Variants in NRXN1 observed in about 807,000 individuals in gnomAD.
NRXN1 encodes neurexin-1.
Under a neutral mutation model 150.9 loss-of-function variants are expected in NRXN1, and 39 were observed. The ratio of observed to expected loss-of-function variants is 0.26; its 90% CI spans 0.20 to 0.34. NRXN1 has a LOEUF of 0.34. NRXN1 is among the 10% of genes least tolerant of loss of function. The pLI is 1.00. For synonymous variants in NRXN1, 924 were observed against 757.0 expected (o/e 1.22, Z -3.62); for missense variants, 1,815 against 1,949.9 (o/e 0.93, Z 1.30).
intron 5 of NRXN1, among the ~76,000 whole-genome samples, chr2:50,687,305 T>C (rs1691380338): frequency 6.6e-6 from 1 of 152,206 alleles, no homozygotes; most frequent in Non-Finnish European, 1.5e-5. Flanking sequence ...GAAATCTTCA[T>C]AAAATATATT....
intron 2 of NRXN1, among the ~76,000 whole-genome samples, chr2:50,952,466 TTTTG>T (rs1691551313): frequency 1.3e-5 from 2 of 152,122 alleles, no homozygotes; most frequent in African/African-American, 4.8e-5. Flanking sequence ...TGAATAATGT[TTTTG>T]TTTGTCATGC....
chr2:50,885,031 G>C (rs1289351544), intron 5 of NRXN1, among the ~76,000 whole-genome samples: 2 of 151,572 alleles, frequency 1.3e-5, no homozygotes, highest in Non-Finnish European at 3.0e-5. Flanking sequence ...TTTCAAATAA[G>C]AGACTTAAGA....
intron 21 of NRXN1, among the ~76,000 whole-genome samples, chr2:49,958,448 T>C (rs1158608097): frequency 6.6e-6 from 1 of 152,130 alleles, no homozygotes; most frequent in East Asian, 1.9e-4. Context: ...AATTCTGACA[T>C]ATTTCATTGC....
At chr2:50,306,780 G>C (rs1004410594) in intron 17 of NRXN1, among the ~76,000 whole-genome samples, 2 of 152,148 alleles carry the variant, frequency 1.3e-5, no homozygotes, top group African/African-American at 4.8e-5. Flanking sequence ...CAAAATTCCA[G>C]AGTGTTGGCT....
intron 2 of NRXN1, among the ~76,000 whole-genome samples, chr2:51,019,209 A>C (rs1669210984): frequency 1.3e-5 from 2 of 152,190 alleles, no homozygotes; most frequent in South Asian, 4.1e-4. Context: ...TTGGACCCAA[A>C]TCCCAGCTCT....
At chr2:50,223,028 G>A (rs1292810624) in intron 18 of NRXN1, among the ~76,000 whole-genome samples, 2 of 151,688 alleles carry the variant, frequency 1.3e-5, no homozygotes, top group African/African-American at 2.4e-5. Flanking sequence ...GGGCTTTCCT[G>A]AAAAGTAAAT....
At chr2:50,854,955 G>T (rs1675055806) in intron 5 of NRXN1, among the ~76,000 whole-genome samples, 1 of 151,894 alleles carries the variant, frequency 6.6e-6, no homozygotes, top group Non-Finnish European at 1.5e-5. Flanking sequence ...CAGATTACAG[G>T]GTCCTCACTC....
At chr2:50,288,520 G>C (rs955512092) in intron 17 of NRXN1, among the ~76,000 whole-genome samples, 2 of 152,166 alleles carry the variant, frequency 1.3e-5, no homozygotes, top group Non-Finnish European at 2.9e-5. Flanking sequence ...ACATACCCAA[G>C]ATGGGGTAAT....
At chr2:49,998,484 T>A (rs900499858) in intron 21 of NRXN1, among the ~76,000 whole-genome samples, 5 of 152,200 alleles carry the variant, frequency 3.3e-5, no homozygotes, top group African/African-American at 9.7e-5. Context: ...GTCAAACTTT[T>A]TTCAAAACTT....
chr2:50,011,169 C>G (rs778139120), intron 21 of NRXN1, among the ~76,000 whole-genome samples: 4 of 152,070 alleles, frequency 2.6e-5, no homozygotes, highest in Admixed American at 1.3e-4. Flanking sequence ...CTTGATGATC[C>G]CTTGTCATGA....
At chr2:50,649,700 G>A (rs1043446471) in intron 5 of NRXN1, among the ~76,000 whole-genome samples, 10 of 151,908 alleles carry the variant, frequency 6.6e-5, no homozygotes, top group East Asian at 1.9e-4. Context: ...AAGTGAAATC[G>A]GAGTGAAATG....
intron 17 of NRXN1, among the ~76,000 whole-genome samples, chr2:50,324,064 A>C (rs2152976883): frequency 6.6e-6 from 1 of 152,340 alleles, no homozygotes; most frequent in African/African-American, 2.4e-5. Flanking sequence ...TGTAAGACTA[A>C]GGAATTTGAA....
chr2:50,471,792 T>C (rs1239072763), intron 16 of NRXN1, among the ~76,000 whole-genome samples: 3 of 151,788 alleles, frequency 2.0e-5, no homozygotes, highest in African/African-American at 4.8e-5. Context: ...CTAGGCTTAA[T>C]ACTTGAGTGG....
chr2:50,620,750 C>T (rs561134035), intron 7 of NRXN1, among the ~76,000 whole-genome samples: 1 of 152,100 alleles, frequency 6.6e-6, no homozygotes, highest in Non-Finnish European at 1.5e-5. Context: ...GCAGGAGGTA[C>T]AGTACAGTTC....
At chr2:50,652,437 C>T (rs1685779228) in intron 5 of NRXN1, among the ~76,000 whole-genome samples, 1 of 152,014 alleles carries the variant, frequency 6.6e-6, no homozygotes. Flanking sequence ...ATCTTTTTGT[C>T]TGTATAGGTT....
chr2:50,182,683 T>C (rs2060811015), intron 18 of NRXN1, among the ~76,000 whole-genome samples: 1 of 152,064 alleles, frequency 6.6e-6, no homozygotes, highest in Admixed American at 6.6e-5. Flanking sequence ...TCTACAATGC[T>C]GGAAATTCAC....
At chr2:50,226,604 G>C (rs952662768) in intron 18 of NRXN1, among the ~76,000 whole-genome samples, 5 of 151,954 alleles carry the variant, frequency 3.3e-5, no homozygotes, top group Non-Finnish European at 5.9e-5. Flanking sequence ...AGCTGAAGAT[G>C]AGGCTGGAAA....
At chr2:50,696,841 T>G (rs1264674065) in intron 5 of NRXN1, among the ~76,000 whole-genome samples, 2 of 152,144 alleles carry the variant, frequency 1.3e-5, no homozygotes, top group African/African-American at 4.8e-5. Context: ...AGACCAAGAG[T>G]ATATTCCTAG....
At chr2:50,751,846 C>T (rs929980357) in intron 5 of NRXN1, among the ~76,000 whole-genome samples, 1 of 151,900 alleles carries the variant, frequency 6.6e-6, no homozygotes, top group Non-Finnish European at 1.5e-5. Flanking sequence ...GTCACTTCTC[C>T]AGGAAGATTA....
Sources: gnomAD v4.1 joint callset for allele counts (sites outside exome capture counted in the v4.1 genomes callset) on GRCh38, gnomAD v4.1.1 for gene constraint, MANE v1.5 for transcripts, NCBI Gene and HGNC (gene_info 2026-07-23, HGNC 2026-07-21) for gene names.